Variants in CDH13 observed in about 807,000 individuals in gnomAD.
CDH13 encodes cadherin 13.
Under a neutral mutation model 63.8 loss-of-function variants are expected in CDH13, and 24 were observed. The ratio of observed to expected loss-of-function variants is 0.38; its 90% CI spans 0.27 to 0.53. CDH13 has a LOEUF of 0.53. CDH13 is among the 20% of genes least tolerant of loss of function. CDH13 has a pLI of 0.85. For missense variants in CDH13, 1,049 were observed against 903.1 expected, an observed-to-expected ratio of 1.16 and a Z score of -2.07; for synonymous variants, 503 against 355.3, an observed-to-expected ratio of 1.42 and a Z score of -4.67.
intron 2 of CDH13, among the ~76,000 whole-genome samples, chr16:82,863,172 T>G (rs2151174930): frequency 6.6e-6 from 1 of 152,176 alleles, no homozygotes; most frequent in South Asian, 2.1e-4. Context: ...GAGACAGAAA[T>G]GGACCACAAA....
chr16:83,178,316 TC>T (rs1461820052), intron 4 of CDH13, among the ~76,000 whole-genome samples: 9 of 151,952 alleles, frequency 5.9e-5, no homozygotes, highest in Admixed American at 5.9e-4. Context: ...TAAAAATGTC[TC>T]CAGAAAAATG....
intron 6 of CDH13, among the ~76,000 whole-genome samples, chr16:83,378,525 T>C (rs898734647): frequency 2.0e-5 from 3 of 152,170 alleles, no homozygotes; most frequent in African/African-American, 7.2e-5. Flanking sequence ...GGATTGGCCA[T>C]ACCTTCAGGT....
chr16:83,600,154 T>C (rs778426566), intron 7 of CDH13, among the ~76,000 whole-genome samples: 16 of 152,268 alleles, frequency 1.1e-4, no homozygotes, highest in East Asian at 1.9e-4. Flanking sequence ...CCAGGGCAGA[T>C]GGCATCTCAA....
At chr16:83,135,366 T>C (rs765139693) in intron 4 of CDH13, among the ~76,000 whole-genome samples, 4 of 152,208 alleles carry the variant, frequency 2.6e-5, no homozygotes, top group Non-Finnish European at 4.4e-5. Flanking sequence ...GTCTTTGCTG[T>C]TTGCATAGCA....
chr16:82,956,354 TTAATATC>T (rs112565466), intron 2 of CDH13, among the ~76,000 whole-genome samples: 9,230 of 152,136 alleles, frequency 0.061, 324 homozygotes, highest in African/African-American at 0.095. Context: ...ATTCTAGTCT[TTAATATC>T]TAATTTCTGC....
intron 1 of CDH13, among the ~76,000 whole-genome samples, chr16:82,643,743 G>C (rs568026409): frequency 2.0e-5 from 3 of 152,220 alleles, no homozygotes; most frequent in East Asian, 1.9e-4. Flanking sequence ...AGATGGTTTA[G>C]TGTTACTGAC....
At chr16:83,165,032 C>G (rs2151717999) in intron 4 of CDH13, among the ~76,000 whole-genome samples, 1 of 149,904 alleles carries the variant, frequency 6.7e-6, no homozygotes, top group Non-Finnish European at 1.5e-5. Flanking sequence ...GCCCAGAGCC[C>G]AGCCCACGCT....
chr16:83,790,256 T>G (rs1483228169), intron 13 of CDH13: 1 of 152,222 alleles, frequency 6.6e-6, no homozygotes, highest in Non-Finnish European at 1.5e-5. Context: ...CCTGATCCTG[T>G]AGGTGGCTTT....
chr16:83,387,433 G>A (rs1461362503), intron 6 of CDH13, among the ~76,000 whole-genome samples: 1 of 152,158 alleles, frequency 6.6e-6, no homozygotes, highest in Non-Finnish European at 1.5e-5. Context: ...GCTCAAAATG[G>A]ATATTAGCTC....
intron 11 of CDH13, among the ~76,000 whole-genome samples, chr16:83,753,368 A>G (rs1017878922): frequency 6.6e-6 from 1 of 152,012 alleles, no homozygotes; most frequent in African/African-American, 2.4e-5. Flanking sequence ...ACATGGCAAA[A>G]CTCCATCCCG....
At chr16:82,913,133 A>G (rs920098672) in intron 2 of CDH13, among the ~76,000 whole-genome samples, 7 of 152,136 alleles carry the variant, frequency 4.6e-5, no homozygotes, top group African/African-American at 1.7e-4. Context: ...TTTTTTCTTA[A>G]AAAACTCAGT....
At chr16:83,542,761 C>T (rs1200863482) in intron 7 of CDH13, among the ~76,000 whole-genome samples, 2 of 152,232 alleles carry the variant, frequency 1.3e-5, no homozygotes, top group Non-Finnish European at 2.9e-5. Flanking sequence ...TGTGTGTCTT[C>T]ACATTGTTTT....
At chr16:83,138,585 C>G (rs1567867479) in intron 4 of CDH13, among the ~76,000 whole-genome samples, 1 of 152,104 alleles carries the variant, frequency 6.6e-6, no homozygotes, top group Non-Finnish European at 1.5e-5. Context: ...AGGAAATTGT[C>G]ACAAATAAAC....
chr16:82,819,711 C>A (rs1203373783), intron 1 of CDH13, among the ~76,000 whole-genome samples: 1 of 152,200 alleles, frequency 6.6e-6, no homozygotes, highest in Non-Finnish European at 1.5e-5. Context: ...CCTTTCTCCT[C>A]CTTTCTTCTT....
At chr16:83,609,125 A>G (rs543725407) in intron 8 of CDH13, among the ~76,000 whole-genome samples, 5 of 152,290 alleles carry the variant, frequency 3.3e-5, no homozygotes, top group African/African-American at 9.6e-5. Context: ...TGTCATATAT[A>G]TGAGCTATGC....
chr16:83,170,028 T>C (rs1189764651), intron 4 of CDH13, among the ~76,000 whole-genome samples: 2 of 152,128 alleles, frequency 1.3e-5, no homozygotes. Context: ...TATTTTATTT[T>C]ATTTTAAATA....
At chr16:82,888,884 G>A (rs1348258392) in intron 2 of CDH13, among the ~76,000 whole-genome samples, 1 of 152,180 alleles carries the variant, frequency 6.6e-6, no homozygotes, top group Non-Finnish European at 1.5e-5. Flanking sequence ...TCTGTCTTGA[G>A]CAAGCTGGGG....
chr16:83,061,591 T>C lies in CDH13; in HGVS notation c.366+29373T>C, dbSNP rs529580389. ...GTCCTGAATGACCAGCAGCAGAGGA[T>C]TCAGGGCACCCAATGCAAAATTGTC... On this transcript the variant is annotated intron_variant, in intron 3 of 13. Transcript: ENST00000567109. Among the ~76,000 whole-genome samples, 127 of 152,254 alleles carry C rather than the reference T, an allele frequency of 8.3e-4. 1 individual carries two copies. The highest frequency in any genetic ancestry group is 2.7e-3 in the African/African-American group (113 of 41,538).
intron 6 of CDH13, among the ~76,000 whole-genome samples, chr16:83,481,385 T>C (rs1598119346): frequency 6.6e-6 from 1 of 152,316 alleles, no homozygotes; most frequent in East Asian, 1.9e-4. Flanking sequence ...TTTTGGAGCA[T>C]CCCCATCCTC....
Sources: allele counts gnomAD v4.1 joint callset (sites outside exome capture counted in the v4.1 genomes callset), GRCh38; gene constraint gnomAD v4.1.1; transcripts MANE v1.5; gene names NCBI Gene and HGNC (gene_info 2026-07-23, HGNC 2026-07-21).